Variants in PDE4D observed in about 807,000 individuals in gnomAD.
PDE4D encodes the protein phosphodiesterase 4D, also known as 3',5'-cyclic-AMP phosphodiesterase 4D.
A neutral mutation model predicts 87.4 loss-of-function variants in PDE4D; 24 were observed. That is an observed-to-expected ratio of 0.27 (90% CI 0.20 to 0.39). The LOEUF (loss-of-function observed/expected upper bound fraction) is 0.39, where lower values mean the gene tolerates loss of function less well. PDE4D is among the 10% of genes least tolerant of loss of function. PDE4D has a pLI of 1.00. For synonymous variants in PDE4D, 384 were observed against 383.2 expected, an observed-to-expected ratio of 1.00 and a Z score of -0.02; for missense variants, 714 against 1,041.0, an observed-to-expected ratio of 0.69 and a Z score of 4.32.
Position 59,291,818 on chromosome 5 carries a change from A to G in PDE4D, c.456-75850T>C, listed in dbSNP as rs540875664. On this transcript the variant is annotated intron_variant, in intron 1 of 14. Coordinates refer to ENST00000340635, the MANE Select transcript of PDE4D (RefSeq NM_001104631.2). ...ACTTAACTATTTAACCTGACCTTGT[A>G]TATTAATTTGTGCTCTTTTGGGGAG... 4.8e-5 allele frequency among the ~76,000 whole-genome samples: 7 copies of G among 146,604 alleles called. No homozygotes were observed. The East Asian group carries it at 1.0e-3, about 22-fold the overall frequency.
At chr5:59,504,449 C>G (rs1808869669) in intron 1 of PDE4D, among the ~76,000 whole-genome samples, 1 of 152,014 alleles carries the variant, frequency 6.6e-6, no homozygotes, top group Non-Finnish European at 1.5e-5. Context: ...TAGTATGTAC[C>G]AATCAATATA....
intron 1 of PDE4D, among the ~76,000 whole-genome samples, chr5:59,552,397 A>C (rs939935008): frequency 2.0e-5 from 3 of 152,178 alleles, no homozygotes; most frequent in Middle Eastern, 3.2e-3. Context: ...CCACATAGCT[A>C]TAAAGTCAGT....
At chr5:60,319,844 G>C (rs1054280830) in intron 1 of PDE4D, among the ~76,000 whole-genome samples, 23 of 152,350 alleles carry the variant, frequency 1.5e-4, no homozygotes, top group African/African-American at 5.3e-4. Context: ...TCCTCTGGAA[G>C]TTTTGTCTAA....
intron 1 of PDE4D, among the ~76,000 whole-genome samples, chr5:59,684,580 A>G (rs980078338): frequency 2.6e-5 from 4 of 152,126 alleles, no homozygotes; most frequent in African/African-American, 9.7e-5. Context: ...AGGCATTGTA[A>G]TAGAAAATAA....
intron 5 of PDE4D, among the ~76,000 whole-genome samples, chr5:59,134,006 T>G (rs1776664577): frequency 6.6e-6 from 1 of 151,160 alleles, no homozygotes; most frequent in Non-Finnish European, 1.5e-5. Context: ...TTGTTGTTGT[T>G]GTTGTTGGGA....
chr5:59,175,479 T>G (rs1200732643), intron 5 of PDE4D, among the ~76,000 whole-genome samples: 2 of 125,298 alleles, frequency 1.6e-5, no homozygotes, highest in Non-Finnish European at 3.3e-5. Flanking sequence ...TTCTTTTTTT[T>G]TTTTTTTTTT....
At chr5:60,484,741 A>G (rs1339388024) in intron 1 of PDE4D, among the ~76,000 whole-genome samples, 1 of 152,148 alleles carries the variant, frequency 6.6e-6, no homozygotes, top group Non-Finnish European at 1.5e-5. Context: ...CTTTGCTTCA[A>G]AAGTTTTGTC....
In PDE4D at chr5:59,457,767, C is replaced by T. The variant is rs113137569; in HGVS notation, c.456-241799G>A. Reference sequence around the variant, plus strand: ...AAAAATGGCTGGGCATGGTGGTGGGCGCTTGTAATCCCAGCTACTTTGGGA... The same window carrying T: ...AAAAATGGCTGGGCATGGTGGTGGGTGCTTGTAATCCCAGCTACTTTGGGA... On this transcript the variant is annotated intron_variant, in intron 1 of 14. Transcript: ENST00000340635. 1.2e-4 allele frequency among the ~76,000 whole-genome samples: 19 copies of T among 152,010 alleles called. 2 individuals are homozygous for T. Among genetic ancestry groups the T allele is most frequent in the East Asian group, 7.7e-4 (4 of 5,162 alleles).
intron 2 of PDE4D, among the ~76,000 whole-genome samples, chr5:60,143,625 GTGTGT>G (rs1325392097): frequency 6.7e-6 from 1 of 148,632 alleles, no homozygotes; most frequent in African/African-American, 2.5e-5. Context: ...GTGTGTGTGT[GTGTGT>G]GTGTGTGTGT....
rs138049704 is a variant in PDE4D at position 59,115,063 on chromosome 5, A to G, written c.808+65532T>C. 8.6e-5 allele frequency among the ~76,000 whole-genome samples: 13 copies of G among 151,286 alleles called. No individual in the cohort carries two copies. The South Asian group carries it at 2.1e-3, about 25-fold the overall frequency. The stretch of plus-strand genomic sequence containing the variant: ...CAGCCATCAAAGAGTAGGTCAAAGA[A>G]AGAGGGAGAAGGGGCGATAGATGGA... On this transcript the variant is annotated intron_variant, in intron 5 of 14. Transcript: ENST00000340635.
At chr5:59,219,779 G>A (rs1164123249) in intron 1 of PDE4D, among the ~76,000 whole-genome samples, 1 of 152,166 alleles carries the variant, frequency 6.6e-6, no homozygotes, top group Non-Finnish European at 1.5e-5. Flanking sequence ...ACTATGTGAT[G>A]TAGACAATGA....
intron 1 of PDE4D, among the ~76,000 whole-genome samples, chr5:59,474,881 T>C (rs1803049090): frequency 6.6e-6 from 1 of 152,146 alleles, no homozygotes; most frequent in South Asian, 2.1e-4. Context: ...AGGGTTTGAC[T>C]TAATTACTAT....
chr5:59,463,997 G>GT (rs1801158649), intron 1 of PDE4D, among the ~76,000 whole-genome samples: 1 of 134,634 alleles, frequency 7.4e-6, no homozygotes, highest in South Asian at 2.4e-4. Context: ...GATGTGCTTT[G>GT]TTAAACAGAT....
chr5:59,202,781 G>A (rs1415909916), intron 2 of PDE4D, among the ~76,000 whole-genome samples: 2 of 151,876 alleles, frequency 1.3e-5, no homozygotes, highest in Non-Finnish European at 2.9e-5. Flanking sequence ...GCTCCTCCTC[G>A]CCTTCCACCA....
chr5:58,996,528 C>T (rs1749271710), intron 6 of PDE4D, among the ~76,000 whole-genome samples: 1 of 152,170 alleles, frequency 6.6e-6, no homozygotes, highest in Non-Finnish European at 1.5e-5. Context: ...TTGCTAGAAT[C>T]TCAGCAGTCT....
At chr5:59,367,124 G>A (rs1043779706) in intron 1 of PDE4D, among the ~76,000 whole-genome samples, 5 of 152,138 alleles carry the variant, frequency 3.3e-5, no homozygotes, top group Non-Finnish European at 7.4e-5. Flanking sequence ...TTCAAAGAAC[G>A]TGTATTTGCA....
intron 1 of PDE4D, among the ~76,000 whole-genome samples, chr5:59,646,026 C>CA (rs1479134013): frequency 4.0e-5 from 6 of 151,680 alleles, no homozygotes; most frequent in African/African-American, 9.7e-5. Context: ...ACTACAGAGC[C>CA]AAAAAAATCA....
At chr5:60,405,946 AC>A (rs1450737194) in intron 1 of PDE4D, among the ~76,000 whole-genome samples, 2 of 151,598 alleles carry the variant, frequency 1.3e-5, no homozygotes, top group African/African-American at 4.9e-5. Context: ...CCCCAATTAC[AC>A]CCACAGGGGT....
intron 1 of PDE4D, among the ~76,000 whole-genome samples, chr5:59,269,526 T>C (rs1341046646): frequency 1.3e-5 from 2 of 152,044 alleles, no homozygotes; most frequent in Non-Finnish European, 2.9e-5. Context: ...AGATACAGAA[T>C]ACACAAATGA....
Sources: gnomAD v4.1 joint callset for allele counts (sites outside exome capture counted in the v4.1 genomes callset) on GRCh38, gnomAD v4.1.1 for gene constraint, MANE v1.5 for transcripts, NCBI Gene and HGNC (gene_info 2026-07-23, HGNC 2026-07-21) for gene names.